The following STIMATE variants were observed in gnomAD, a reference collection of about 807,000 sequenced individuals.
STIMATE encodes store-operated calcium entry regulator STIMATE.
STIMATE carries 15 observed loss-of-function variants against 36.7 expected under a neutral mutation model. The observed-to-expected ratio is 0.41, with a 90% CI of 0.27 to 0.63. STIMATE has a LOEUF of 0.63. STIMATE is among the 20% of genes least tolerant of loss of function. STIMATE has a pLI of 0.32. For synonymous variants in STIMATE, 163 were observed against 162.3 expected (o/e 1.00, Z -0.03); for missense variants, 305 against 397.3 (o/e 0.77, Z 1.98).
intron 6 of STIMATE, 63 bp from the exon 7 acceptor site, chr3:52,843,023 GC>G: frequency 6.2e-7 from 1 of 1,603,020 alleles, no homozygotes; most frequent in Admixed American, 1.7e-5. Context: ...AAGCCGAACA[GC>G]CCCCATCCGC....
chr3:52,893,533 G>T (rs1353350220), intron 1 of STIMATE, among the ~76,000 whole-genome samples: 1 of 152,156 alleles, frequency 6.6e-6, no homozygotes, highest in African/African-American at 2.4e-5. Context: ...AGAGGTGATC[G>T]TAGGGAAGGT....
At chr3:52,876,337 C>A (rs757894192) in intron 1 of STIMATE, among the ~76,000 whole-genome samples, 20 of 152,192 alleles carry the variant, frequency 1.3e-4, no homozygotes, top group Non-Finnish European at 2.2e-4. Flanking sequence ...ACTGATGGAG[C>A]CTGGTCCCTT....
intron 1 of STIMATE, among the ~76,000 whole-genome samples, chr3:52,876,545 A>C (rs1406350394): frequency 1.3e-5 from 2 of 152,236 alleles, no homozygotes; most frequent in Non-Finnish European, 2.9e-5. Context: ...CCGACACGGC[A>C]AGACCAACCC....
At chr3:52,867,205 GC>G (rs543944681) in intron 1 of STIMATE, among the ~76,000 whole-genome samples, 204 of 152,292 alleles carry the variant, frequency 1.3e-3, no homozygotes, top group Non-Finnish European at 2.5e-3. Context: ...ATCCACCGAG[GC>G]AATTCAGTTA....
rs1047741561 is a variant in STIMATE, at chr3:52,895,852, T to C, written c.160+1439A>G. On this transcript the variant is annotated intron_variant, in intron 1 of 7. Transcript: ENST00000355083. ...GAAGGCTGTCTGGAGGACAGAGAAGTAGGAGGGGTATGAAGATCCACTCAC... is the reference window on the plus strand; with the variant it reads ...GAAGGCTGTCTGGAGGACAGAGAAGCAGGAGGGGTATGAAGATCCACTCAC... The C allele has an allele frequency of 1.9e-5, 24 of 1,275,148 alleles. No individual in the cohort carries two copies. The Admixed American group carries it at 5.5e-4, about 29-fold the overall frequency. The allele number at this position is 1,275,148 out of a possible 1,614,324, so 79.0% of individuals were successfully genotyped here.
chr3:52,873,413 G>A (rs945518432), intron 1 of STIMATE, among the ~76,000 whole-genome samples: 1 of 152,226 alleles, frequency 6.6e-6, no homozygotes. Context: ...ATTTGGTGAG[G>A]ATATTAGGAA....
intron 1 of STIMATE, among the ~76,000 whole-genome samples, chr3:52,858,569 G>A (rs1380127607): frequency 1.3e-5 from 2 of 152,152 alleles, no homozygotes; most frequent in African/African-American, 4.8e-5. Context: ...AGGCTGCAGT[G>A]AGCTATCGCA....
At chr3:52,866,114 T>C (rs1383891786) in intron 1 of STIMATE, among the ~76,000 whole-genome samples, 2 of 152,080 alleles carry the variant, frequency 1.3e-5, no homozygotes, top group Admixed American at 1.3e-4. Context: ...GAGGGGCAGA[T>C]TCCTAGAGGC....
intron 4 of STIMATE, 44 bp from the exon 5 acceptor site, chr3:52,844,985 CTGAG>C: frequency 6.2e-7 from 1 of 1,602,138 alleles, no homozygotes; most frequent in Non-Finnish European, 8.5e-7. Flanking sequence ...GCCCAGGCAT[CTGAG>C]TGAGATGATG....
At position 52,836,792 on chromosome 3, in the gene STIMATE, G is replaced by GT. The variant is rs1700708717; in HGVS notation, c.*3701dup. On this transcript the variant is annotated 3_prime_UTR_variant, in exon 8 of 8. Transcript: ENST00000355083. The stretch of plus-strand genomic sequence containing the variant: ...ACTTTATTGTAAACCATTTTACAAT[G>GT]TAAGTACATCATCTTCTCTTTCATT... 3.2e-6 allele frequency: 1 copy of GT among 317,326 alleles called. No homozygotes were observed. The allele number at this position is 317,326 out of a possible 1,614,324, so 19.7% of individuals were successfully genotyped here. A position where few individuals can be genotyped will look rare whatever the true frequency, so the allele number is the denominator to read the frequency against.
At chr3:52,853,476 C>T (rs1026427271) in intron 2 of STIMATE, among the ~76,000 whole-genome samples, 6 of 152,254 alleles carry the variant, frequency 3.9e-5, no homozygotes, top group African/African-American at 1.4e-4. Flanking sequence ...GTGGTCGAGG[C>T]ACCTCTTGGT....
At chr3:52,885,619 C>T (rs866937742) in intron 1 of STIMATE, among the ~76,000 whole-genome samples, 1 of 152,238 alleles carries the variant, frequency 6.6e-6, no homozygotes, top group African/African-American at 2.4e-5. Flanking sequence ...CACAAGAGAT[C>T]TGTTCATAAA....
At chr3:52,871,373 C>T (rs2062417372) in intron 1 of STIMATE, among the ~76,000 whole-genome samples, 2 of 152,126 alleles carry the variant, frequency 1.3e-5, no homozygotes, top group Admixed American at 1.3e-4. Context: ...CTGCTCACGA[C>T]AGTCAGCAAG....
At chr3:52,865,365 G>A (rs562421012) in intron 1 of STIMATE, among the ~76,000 whole-genome samples, 1 of 152,146 alleles carries the variant, frequency 6.6e-6, no homozygotes, top group Admixed American at 6.5e-5. Context: ...ACATTTTTGG[G>A]TATCTTTTCA....
intron 1 of STIMATE, chr3:52,895,781 A>G: frequency 2.4e-6 from 2 of 819,342 alleles, no homozygotes; most frequent in Non-Finnish European, 1.7e-6. Flanking sequence ...ACCTCAGGTT[A>G]GGGAGCAAAA....
chr3:52,847,697 C>T, intron 4 of STIMATE: 1 of 517,616 alleles, frequency 1.9e-6, no homozygotes, highest in South Asian at 1.7e-5. Flanking sequence ...TGCCTACATC[C>T]AAATCCCTGG....
At chr3:52,879,287 C>CA (rs1406873156) in intron 1 of STIMATE, among the ~76,000 whole-genome samples, 1 of 152,140 alleles carries the variant, frequency 6.6e-6, no homozygotes, top group African/African-American at 2.4e-5. Context: ...AGAGACAGGG[C>CA]AGCAGACAGC....
intron 1 of STIMATE, among the ~76,000 whole-genome samples, chr3:52,871,259 G>T (rs755953010): frequency 6.6e-6 from 1 of 152,068 alleles, no homozygotes; most frequent in African/African-American, 2.4e-5. Context: ...CCATGTGGAC[G>T]AACATCCACA....
intron 1 of STIMATE, among the ~76,000 whole-genome samples, chr3:52,895,129 C>T (rs577261783): frequency 5.9e-5 from 9 of 152,368 alleles, no homozygotes; most frequent in African/African-American, 1.7e-4. Flanking sequence ...TTCCTTAAGG[C>T]TACCTTGATC....
Sources: allele counts gnomAD v4.1 joint callset (sites outside exome capture counted in the v4.1 genomes callset), GRCh38; gene constraint gnomAD v4.1.1; transcripts MANE v1.5; gene names NCBI Gene and HGNC (gene_info 2026-07-23, HGNC 2026-07-21).